Variants in RPH3A observed in about 807,000 individuals in gnomAD.
The protein encoded by RPH3A is rabphilin 3A, also known as rabphilin-3A.
RPH3A carries 48 observed loss-of-function variants against 102.2 expected under a neutral mutation model. That is an observed-to-expected ratio of 0.47 (90% CI 0.37 to 0.60). RPH3A has a LOEUF of 0.60. Ranked by LOEUF, RPH3A falls within the 20% of genes least tolerant of loss-of-function variation. RPH3A has a pLI of 0.00. For missense variants in RPH3A, 781 were observed against 910.1 expected (o/e 0.86, Z 1.83); for synonymous variants, 310 against 324.3 (o/e 0.96, Z 0.47).
At chr12:112,849,831 C>T (rs140391803) in intron 5 of RPH3A, among the ~76,000 whole-genome samples, 36 of 152,306 alleles carry the variant, frequency 2.4e-4, no homozygotes, top group African/African-American at 8.2e-4. Flanking sequence ...GGTCCAAATT[C>T]CCAGGGAAAG....
At chr12:112,694,197 C>A (rs1464377263) in intron 1 of RPH3A, among the ~76,000 whole-genome samples, 2 of 152,182 alleles carry the variant, frequency 1.3e-5, no homozygotes, top group Non-Finnish European at 1.5e-5. Flanking sequence ...ACCGCCCCAA[C>A]TCTTATCTCC....
At chr12:112,753,514 T>G (rs754399798) in intron 1 of RPH3A, among the ~76,000 whole-genome samples, 5 of 152,168 alleles carry the variant, frequency 3.3e-5, no homozygotes, top group South Asian at 2.1e-4. Flanking sequence ...GATGCCCTAC[T>G]TTGCAGTTAG....
chr12:112,690,145 G>A (rs973277189), intron 1 of RPH3A, among the ~76,000 whole-genome samples: 1 of 152,180 alleles, frequency 6.6e-6, no homozygotes, highest in Non-Finnish European at 1.5e-5. Flanking sequence ...AATACCATTT[G>A]TAGAAAAGTT....
chr12:112,699,691 G>T (rs1350642503), intron 1 of RPH3A, among the ~76,000 whole-genome samples: 1 of 152,150 alleles, frequency 6.6e-6, no homozygotes, highest in African/African-American at 2.4e-5. Flanking sequence ...TGATTTGGGT[G>T]GTGGTTTCAC....
chr12:112,893,501 T>A (rs901997346), intron 19 of RPH3A: 1 of 152,198 alleles, frequency 6.6e-6, no homozygotes, highest in African/African-American at 2.4e-5. Flanking sequence ...CCAGGAAATA[T>A]TTTGTTTTGT....
At chr12:112,874,517 G>T (rs1465362228) in intron 10 of RPH3A, among the ~76,000 whole-genome samples, 1 of 152,168 alleles carries the variant, frequency 6.6e-6, no homozygotes, top group Non-Finnish European at 1.5e-5. Context: ...GAGTTAAGTG[G>T]AACTGTTGCC....
At chr12:112,800,247 G>T (rs2041316284) in intron 2 of RPH3A, among the ~76,000 whole-genome samples, 1 of 152,178 alleles carries the variant, frequency 6.6e-6, no homozygotes, top group African/African-American at 2.4e-5. Context: ...TGAGTTTCTA[G>T]GAGGAAATAG....
intron 1 of RPH3A, among the ~76,000 whole-genome samples, chr12:112,643,631 G>T (rs1025047910): frequency 6.6e-6 from 1 of 152,214 alleles, no homozygotes; most frequent in Non-Finnish European, 1.5e-5. Context: ...TCATGTTCGT[G>T]TCAGCCTGGG....
Position 112,621,451 on chromosome 12 carries a change from G to A in RPH3A, c.-140+46132G>A, listed in dbSNP as rs375435497. On this transcript the variant is annotated intron_variant, in intron 1 of 21. Transcript: ENST00000543106. ...CGAGTCAAAGAAAGGGGTGACGGACGCACCTGGAAAATCGGGTCACTCCCA... is the reference window on the plus strand; with the variant it reads ...CGAGTCAAAGAAAGGGGTGACGGACACACCTGGAAAATCGGGTCACTCCCA... Among the ~76,000 whole-genome samples the A allele has an allele frequency of 6.8e-5, 10 of 147,964 alleles. No homozygotes were observed. In the South Asian group the frequency reaches 2.3e-3, roughly 34 times the overall value.
intron 1 of RPH3A, among the ~76,000 whole-genome samples, chr12:112,773,691 A>G (rs2040943602): frequency 6.6e-6 from 1 of 150,962 alleles, no homozygotes; most frequent in South Asian, 2.1e-4. Flanking sequence ...TTCATTGCCT[A>G]CCTCACCAAT....
At chr12:112,831,872 T>C in intron 3 of RPH3A, 1 of 455,790 alleles carries the variant, frequency 2.2e-6, no homozygotes, top group Non-Finnish European at 4.4e-6. Flanking sequence ...TTCTTTTTGA[T>C]GTTCTGTAGT....
chr12:112,801,386 GTTCT>G (rs2041350847), intron 2 of RPH3A, among the ~76,000 whole-genome samples: 1 of 152,226 alleles, frequency 6.6e-6, no homozygotes, highest in Non-Finnish European at 1.5e-5. Context: ...TTCTGTAGAT[GTTCT>G]TTCTTCCTTT....
At chr12:112,617,196 G>C (rs768353246) in intron 1 of RPH3A, among the ~76,000 whole-genome samples, 1 of 152,176 alleles carries the variant, frequency 6.6e-6, no homozygotes, top group Non-Finnish European at 1.5e-5. Context: ...AAGAGAAAGG[G>C]GTGTAAAGAA....
chr12:112,824,961 A>G (rs2041842409), intron 2 of RPH3A, among the ~76,000 whole-genome samples: 1 of 151,882 alleles, frequency 6.6e-6, no homozygotes, highest in Admixed American at 6.5e-5. Flanking sequence ...CTCCAAGGCC[A>G]GTGTCTTCTC....
At chr12:112,776,873 CAAAA>C (rs548377186) in intron 1 of RPH3A, among the ~76,000 whole-genome samples, 2 of 73,920 alleles carry the variant, frequency 2.7e-5, no homozygotes, top group East Asian at 4.4e-4. Flanking sequence ...GACTCCATCT[CAAAA>C]AAAAAAAAAA....
intron 1 of RPH3A, among the ~76,000 whole-genome samples, chr12:112,666,539 C>T (rs987367504): frequency 6.6e-6 from 1 of 152,124 alleles, no homozygotes; most frequent in Non-Finnish European, 1.5e-5. Context: ...GCTTTAGTTC[C>T]CCCCTTCACA....
intron 1 of RPH3A, among the ~76,000 whole-genome samples, chr12:112,683,317 CCTT>C (rs1373529918): frequency 6.6e-6 from 1 of 152,138 alleles, no homozygotes; most frequent in African/African-American, 2.4e-5. Context: ...AAACATCTAT[CCTT>C]CTACTCTGTT....
chr12:112,588,844 CCA>C (rs1490235792), intron 1 of RPH3A, among the ~76,000 whole-genome samples: 1 of 152,078 alleles, frequency 6.6e-6, no homozygotes, highest in Admixed American at 6.6e-5. Context: ...GGCAATTAGA[CCA>C]CAGTGTGACA....
At position 112,798,607 on chromosome 12, in the gene RPH3A, A is replaced by G. The variant is rs183393158; in HGVS notation, c.-19+6344A>G. Among the ~76,000 whole-genome samples, 14 of 152,200 alleles carry G rather than the reference A, an allele frequency of 9.2e-5. No homozygotes were observed. In the East Asian group the frequency reaches 1.4e-3, roughly 15 times the overall value. ...AGGCTTTTCATGCAAGGTGCTGCCA[A>G]ATGGCATCTGTGTGGTCCGCTCCAT... On this transcript the variant is annotated intron_variant, in intron 2 of 21. Coordinates refer to ENST00000389385, the MANE Select transcript of RPH3A (RefSeq NM_001143854.2).
Sources: gnomAD v4.1 joint callset for allele counts (sites outside exome capture counted in the v4.1 genomes callset) on GRCh38, gnomAD v4.1.1 for gene constraint, MANE v1.5 for transcripts, NCBI Gene and HGNC (gene_info 2026-07-23, HGNC 2026-07-21) for gene names.